EBPL: variants seen among roughly 807,000 people sequenced by gnomAD.
EBPL encodes EBP like.
A neutral mutation model predicts 19.0 loss-of-function variants in EBPL; 20 were observed. The observed-to-expected ratio is 1.05, with a 90% CI of 0.74 to 1.53. The LOEUF (loss-of-function observed/expected upper bound fraction) is 1.53, where lower values mean the gene tolerates loss of function less well. Ranked by LOEUF, EBPL falls within the 40% of genes most tolerant of loss-of-function variation. EBPL has a pLI of 0.00. For missense variants in EBPL, 219 were observed against 261.1 expected (o/e 0.84, Z 1.11); for synonymous variants, 107 against 117.0 (o/e 0.91, Z 0.55).
At chr13:49,674,730 C>A (rs1061979) in intron 1 of EBPL, among the ~76,000 whole-genome samples, 27,992 of 151,872 alleles carry the variant, frequency 0.18, 3,233 homozygotes, top group Non-Finnish European at 0.26. Context: ...GGAGCTGTAG[C>A]TGAGGCAGTG....
At chr13:49,687,563 C>G (rs1168183659) in intron 1 of EBPL, among the ~76,000 whole-genome samples, 1 of 152,192 alleles carries the variant, frequency 6.6e-6, no homozygotes, top group Non-Finnish European at 1.5e-5. Flanking sequence ...AGACAGCTCC[C>G]TCCAGAGAGG....
chr13:49,687,086 A>C (rs1954006871), intron 1 of EBPL, among the ~76,000 whole-genome samples: 2 of 152,184 alleles, frequency 1.3e-5, no homozygotes, highest in Admixed American at 1.3e-4. Flanking sequence ...TACAGGTGTG[A>C]GCCACTGCCC....
At chr13:49,680,704 C>T (rs946371759) in intron 1 of EBPL, among the ~76,000 whole-genome samples, 4 of 152,264 alleles carry the variant, frequency 2.6e-5, no homozygotes, top group African/African-American at 9.6e-5. Flanking sequence ...CGACTGTAGT[C>T]CCAGCTACTC....
intron 3 of EBPL, 59 bp from the exon 4 acceptor site, chr13:49,661,267 G>T: frequency 7.3e-7 from 1 of 1,364,782 alleles, no homozygotes; most frequent in Non-Finnish European, 1.0e-6. Flanking sequence ...TGGCATCAGA[G>T]TCATGACATC....
chr13:49,672,569 G>C (rs1953829342), intron 1 of EBPL, among the ~76,000 whole-genome samples: 1 of 152,078 alleles, frequency 6.6e-6, no homozygotes, highest in South Asian at 2.1e-4. Flanking sequence ...AGGGATAATA[G>C]AAAACAAGAC....
rs376631706 is a variant in EBPL at position 49,691,308 on chromosome 13, C to T, written c.117G>A (p.Ala39=). ...GLRLGRGQGA[A]DRGALIWLCY... Reference sequence around the variant, plus strand: ...AGAGCCAGATGAGCGCCCCGCGGTCCGCCGCCCCCTGCCCGCGGCCCAGGC... The same window carrying T: ...AGAGCCAGATGAGCGCCCCGCGGTCTGCCGCCCCCTGCCCGCGGCCCAGGC... The change falls in exon 1 of 4, where the codon GCG becomes GCA. Residue 39 remains alanine, a synonymous_variant. Transcript: ENST00000242827. 3.4e-4 allele frequency: 468 copies of T among 1,369,960 alleles called. 3 individuals are homozygous for T. In the African/African-American group the frequency reaches 5.7e-3, roughly 17 times the overall value. The allele number at this position is 1,369,960 out of a possible 1,614,324, so 84.9% of individuals were successfully genotyped here. A position where few individuals can be genotyped will look rare whatever the true frequency, so the allele number is the denominator to read the frequency against.
At chr13:49,666,897 G>GA (rs981392028) in intron 2 of EBPL, among the ~76,000 whole-genome samples, 29 of 115,760 alleles carry the variant, frequency 2.5e-4, no homozygotes, top group East Asian at 7.8e-4. Flanking sequence ...AAAAAAAAAA[G>GA]AAAAAAAAAA....
intron 2 of EBPL, among the ~76,000 whole-genome samples, chr13:49,666,733 A>AAAAT (rs1566313741): frequency 1.4e-5 from 2 of 139,876 alleles, no homozygotes; most frequent in Non-Finnish European, 1.5e-5. Flanking sequence ...AAAAAAAAAA[A>AAAAT]ACAAAAATTA....
chr13:49,682,501 A>C (rs142954528), intron 1 of EBPL, among the ~76,000 whole-genome samples: 1 of 152,346 alleles, frequency 6.6e-6, no homozygotes, highest in Non-Finnish European at 1.5e-5. Flanking sequence ...AATTACATTT[A>C]CTGAACTCTG....
intron 1 of EBPL, among the ~76,000 whole-genome samples, chr13:49,687,607 T>G (rs1954012378): frequency 6.6e-6 from 1 of 152,144 alleles, no homozygotes. Context: ...CCTCACCTTC[T>G]CCTCCTCAGA....
At chr13:49,689,031 G>A (rs1378527605) in intron 1 of EBPL, among the ~76,000 whole-genome samples, 3 of 152,170 alleles carry the variant, frequency 2.0e-5, no homozygotes, top group African/African-American at 7.2e-5. Flanking sequence ...TTAAGTGATC[G>A]TATTCATCAA....
intron 1 of EBPL, among the ~76,000 whole-genome samples, chr13:49,679,658 T>C (rs1199929102): frequency 6.6e-6 from 1 of 152,174 alleles, no homozygotes; most frequent in Non-Finnish European, 1.5e-5. Flanking sequence ...TGCACCATCA[T>C]GCCAGGCTGA....
intron 1 of EBPL, among the ~76,000 whole-genome samples, chr13:49,681,529 G>A (rs1953943133): frequency 6.6e-6 from 1 of 152,180 alleles, no homozygotes; most frequent in South Asian, 2.1e-4. Flanking sequence ...GACCTCAGGT[G>A]ATCTGCTCAC....
At chr13:49,664,806 G>A (rs1036245433) in intron 2 of EBPL, among the ~76,000 whole-genome samples, 1 of 151,972 alleles carries the variant, frequency 6.6e-6, no homozygotes, top group African/African-American at 2.4e-5. Context: ...CTAACAAAAG[G>A]CTGTCCTAAG....
In EBPL at chr13:49,691,416, A is replaced by G. The variant is rs911699272; in HGVS notation, c.9T>C (p.Ala3=). 4 of 1,342,914 alleles carry G rather than the reference A, an allele frequency of 3.0e-6. No individual in the cohort carries two copies. In the African/African-American group the frequency reaches 4.5e-5, roughly 15 times the overall value. 83.2% of individuals were successfully genotyped at this position (1,342,914 alleles called of 1,614,324 possible). A position where few individuals can be genotyped will look rare whatever the true frequency, so the allele number is the denominator to read the frequency against. Residue 3 remains alanine, a synonymous_variant, in exon 1 of 4, where the codon GCT becomes GCC. Coordinates refer to ENST00000242827, the MANE Select transcript of EBPL (RefSeq NM_032565.5). ...CAGCCTCGGCCCCCAGCTCCCACTC[A>G]GCGCCCATGCTTCAGGCTTCCGACG... MG[A]EWELGAEAGG... is the part of the protein sequence containing the mutation.
intron 1 of EBPL, among the ~76,000 whole-genome samples, chr13:49,679,091 A>T (rs1012753443): frequency 6.6e-6 from 1 of 152,032 alleles, no homozygotes; most frequent in Non-Finnish European, 1.5e-5. Context: ...CACTGAAAAC[A>T]CTACTTACTA....
intron 1 of EBPL, among the ~76,000 whole-genome samples, chr13:49,677,840 G>C (rs1244881304): frequency 6.6e-6 from 1 of 152,238 alleles, no homozygotes; most frequent in Admixed American, 6.5e-5. Flanking sequence ...GTGAGTGTTA[G>C]TTCTTAAAGA....
rs144141526 is a variant in EBPL at position 49,667,828 on chromosome 13, T to C, written c.241+1949A>G. Among the ~76,000 whole-genome samples the C allele has an allele frequency of 2.0e-3, 299 of 152,338 alleles. 1 individual carries two copies. The highest frequency in any genetic ancestry group is 6.8e-3 in the African/African-American group (283 of 41,588). On this transcript the variant is annotated intron_variant, in intron 2 of 3. Transcript: ENST00000242827. Reference sequence around the variant, plus strand: ...GTGCATAATGTAAACGTGAAGATGATAGAGAAAGCCTGTGTTAGACATTTG... The same window carrying C: ...GTGCATAATGTAAACGTGAAGATGACAGAGAAAGCCTGTGTTAGACATTTG...
intron 2 of EBPL, among the ~76,000 whole-genome samples, chr13:49,666,131 C>A (rs1005084763): frequency 1.3e-5 from 2 of 152,112 alleles, no homozygotes; most frequent in African/African-American, 4.8e-5. Flanking sequence ...GCAGGGGCCA[C>A]GCAGGCAGGC....
Sources: allele counts gnomAD v4.1 joint callset (sites outside exome capture counted in the v4.1 genomes callset), GRCh38; gene constraint gnomAD v4.1.1; transcripts MANE v1.5; gene names NCBI Gene and HGNC (gene_info 2026-07-23, HGNC 2026-07-21).